Variants in LMAN2L observed in about 807,000 individuals in gnomAD.
LMAN2L encodes the protein lectin, mannose binding 2 like, also known as VIP36-like protein.
A neutral mutation model predicts 44.3 loss-of-function variants in LMAN2L; 30 were observed. That is an observed-to-expected ratio of 0.68 (90% CI 0.51 to 0.92). LMAN2L has a LOEUF of 0.92. Ranked by LOEUF, LMAN2L falls within the 40% of genes least tolerant of loss-of-function variation. LMAN2L has a pLI of 0.00. For synonymous variants in LMAN2L, 183 were observed against 171.1 expected (o/e 1.07, Z -0.54); for missense variants, 429 against 446.1 (o/e 0.96, Z 0.35).
chr2:96,707,734 T>C lies in LMAN2L; in HGVS notation c.884A>G (p.Asp295Gly). 6.2e-7 allele frequency: 1 copy of C among 1,614,128 alleles called. No individual in the cohort carries two copies. Among genetic ancestry groups the C allele is most frequent in the Non-Finnish European group, 8.5e-7 (1 of 1,180,018 alleles). ...LHRDVFLPSV[D>G]NMKLPEMTAP... ...CTCACTCTCAGGCAGCTTCATATTG[T>C]CCACTGAGGGCAAGAACACATCTCG... The change falls in exon 7 of 8, where the codon GAC (aspartate) becomes GGC (glycine). Residue 295 changes from aspartate (D) to glycine (G), a missense_variant. Asp to Gly is a moderately conservative substitution (Grantham distance 94, BLOSUM62 -1). Coordinates refer to ENST00000264963, the MANE Select transcript of LMAN2L (RefSeq NM_030805.4).
intron 4 of LMAN2L, among the ~76,000 whole-genome samples, chr2:96,722,111 G>T (rs893083080): frequency 2.4e-4 from 37 of 152,130 alleles, no homozygotes; most frequent in African/African-American, 8.9e-4. Flanking sequence ...GGGACCATAG[G>T]TGGCCGCCAC....
At chr2:96,727,929 G>A (rs1014556453) in intron 4 of LMAN2L, among the ~76,000 whole-genome samples, 19 of 152,282 alleles carry the variant, frequency 1.2e-4, no homozygotes, top group African/African-American at 3.4e-4. Flanking sequence ...ACACTAACAA[G>A]TTCTGTAACC....
At chr2:96,723,313 A>G (rs1336667692) in intron 4 of LMAN2L, among the ~76,000 whole-genome samples, 2 of 152,164 alleles carry the variant, frequency 1.3e-5, no homozygotes, top group African/African-American at 4.8e-5. Flanking sequence ...GCCTCTTTTC[A>G]AGCTTCTTGG....
chr2:96,738,639 C>G (rs534241722), intron 1 of LMAN2L, among the ~76,000 whole-genome samples: 1 of 152,274 alleles, frequency 6.6e-6, no homozygotes, highest in African/African-American at 2.4e-5. Flanking sequence ...TGTGCCACTG[C>G]ACTCCAGCCT....
intron 4 of LMAN2L, among the ~76,000 whole-genome samples, chr2:96,720,568 T>C (rs2078130097): frequency 6.6e-6 from 1 of 152,040 alleles, no homozygotes; most frequent in Non-Finnish European, 1.5e-5. Flanking sequence ...CTTCCTGCCT[T>C]GGCTTCCCAA....
At position 96,707,317 on chromosome 2, in the gene LMAN2L, A is replaced by G. The variant is rs761428719; in HGVS notation, c.986T>C (p.Ile329Thr). ...FFSLVFSVFA[I>T]VIGIILYNKW... ...GTTGTAGAGTATGATACCAATGACT[A>G]TGGCAAATACAGAAAACACCAGGGA... The change falls in exon 8 of 8, where the codon ATA becomes ACA. Residue 329 changes from isoleucine (I) to threonine (T), a missense_variant. Coordinates refer to ENST00000264963, the MANE Select transcript of LMAN2L (RefSeq NM_030805.4). 1 of 1,614,104 alleles carries G rather than the reference A, an allele frequency of 6.2e-7. No individual in the cohort carries two copies. Among genetic ancestry groups the G allele is most frequent in the East Asian group, 2.2e-5 (1 of 44,886 alleles).
At chr2:96,722,134 A>T (rs1003524072) in intron 4 of LMAN2L, among the ~76,000 whole-genome samples, 37 of 151,622 alleles carry the variant, frequency 2.4e-4, no homozygotes, top group African/African-American at 8.9e-4. Context: ...CGCCCGGCTA[A>T]TTTTTTTGTA....
chr2:96,713,028 C>A, intron 4 of LMAN2L: 5 of 1,275,030 alleles, frequency 3.9e-6, no homozygotes, highest in Non-Finnish European at 5.6e-6. Flanking sequence ...GAGACAACCA[C>A]ATGGACTTGA....
At chr2:96,730,033 C>T (rs890575696) in intron 4 of LMAN2L, among the ~76,000 whole-genome samples, 1 of 152,048 alleles carries the variant, frequency 6.6e-6, no homozygotes, top group African/African-American at 2.4e-5. Flanking sequence ...CAATAGCTAG[C>T]CAGAAAAGAT....
At chr2:96,730,936 G>A (rs1388564269) in intron 4 of LMAN2L, among the ~76,000 whole-genome samples, 1 of 152,094 alleles carries the variant, frequency 6.6e-6, no homozygotes, top group Non-Finnish European at 1.5e-5. Context: ...GCCTCCCAAA[G>A]TGCTGGGATT....
Position 96,740,044 on chromosome 2 carries a change from T to C in LMAN2L, c.-4A>G. 5.0e-6 allele frequency: 8 copies of C among 1,603,178 alleles called. No homozygotes were observed. The highest frequency in any genetic ancestry group is 6.8e-6 in the Non-Finnish European group (8 of 1,174,992). On this transcript the variant is annotated 5_prime_UTR_variant, in exon 1 of 8. Transcript: ENST00000264963. Reference sequence around the variant, plus strand: ...GGGGTCCCAGAGTCGCCGCCATCTTTCCCACCAACGACCCTTCATCAAAAG... The same window carrying C: ...GGGGTCCCAGAGTCGCCGCCATCTTCCCCACCAACGACCCTTCATCAAAAG...
intron 4 of LMAN2L, among the ~76,000 whole-genome samples, chr2:96,726,203 T>C (rs1220944200): frequency 1.3e-5 from 2 of 151,628 alleles, no homozygotes; most frequent in African/African-American, 4.8e-5. Context: ...TTTATAATAT[T>C]TTTGCATACT....
At chr2:96,715,514 G>GT (rs1012891297) in intron 4 of LMAN2L, among the ~76,000 whole-genome samples, 1 of 152,186 alleles carries the variant, frequency 6.6e-6, no homozygotes, top group African/African-American at 2.4e-5. Context: ...AAAGCACTCT[G>GT]TAAGTTAGAA....
intron 4 of LMAN2L, among the ~76,000 whole-genome samples, chr2:96,731,654 T>C (rs2078400397): frequency 1.3e-5 from 2 of 151,058 alleles, no homozygotes; most frequent in Non-Finnish European, 1.5e-5. Flanking sequence ...TCTCAAAAAA[T>C]AAAAAAAATA....
rs199689213 is a variant in LMAN2L, at chr2:96,734,494, C to T, written c.339G>A (p.Val113=). The stretch of plus-strand genomic sequence containing the variant: ...TTCCTTGTCCATGGATTTTGAAGTG[C>T]ACCTGCAACTCCCAGTCTCTCAGGA... The part of the protein sequence containing the change: ...PCFLRDWELQ[V]HFKIHGQGKK... Residue 113 remains valine, a synonymous_variant, in exon 3 of 8, where the codon GTG becomes GTA. Coordinates refer to ENST00000264963, the MANE Select transcript of LMAN2L (RefSeq NM_030805.4). The T allele has an allele frequency of 9.1e-5, 147 of 1,612,956 alleles. No individual in the cohort carries two copies. In the South Asian group the frequency reaches 9.9e-4, roughly 11 times the overall value.
In LMAN2L at chr2:96,706,984, T is replaced by C; in HGVS notation, c.*272A>G. 3.6e-6 allele frequency: 1 copy of C among 275,326 alleles called. No individual in the cohort carries two copies. 17.1% of individuals were successfully genotyped at this position (275,326 alleles called of 1,614,324 possible). On this transcript the variant is annotated 3_prime_UTR_variant, in exon 8 of 8. Coordinates refer to ENST00000264963, the MANE Select transcript of LMAN2L (RefSeq NM_030805.4). ...GGCATCACAACCACGTAAATTCTCT[T>C]CACACCTCTGCTCCCACATGGAAGG...
At chr2:96,717,220 G>GACAC (rs1289601086) in intron 4 of LMAN2L, among the ~76,000 whole-genome samples, 7 of 151,448 alleles carry the variant, frequency 4.6e-5, no homozygotes, top group Admixed American at 1.3e-4. Flanking sequence ...CATACACACA[G>GACAC]ACACACACAC....
At chr2:96,726,037 CAGA>C (rs1245305303) in intron 4 of LMAN2L, among the ~76,000 whole-genome samples, 8 of 151,416 alleles carry the variant, frequency 5.3e-5, no homozygotes, top group African/African-American at 1.9e-4. Flanking sequence ...GAGGCTGAGG[CAGA>C]AGAATCACTT....
Position 96,711,735 on chromosome 2 carries a change from C to T in LMAN2L, c.705G>A (p.Arg235=). The T allele has an allele frequency of 6.2e-7, 1 of 1,614,124 alleles. No homozygotes were observed. Among genetic ancestry groups the T allele is most frequent in the African/African-American group, 1.3e-5 (1 of 75,048 alleles). The change falls in exon 6 of 8, where the codon AGG becomes AGA. Residue 235 remains arginine, a synonymous_variant. Transcript: ENST00000264963. The stretch of plus-strand genomic sequence containing the variant: ...GGACTCCGGGCACTTCAATGCAGTC[C>T]CTCCACTCATGCTTGCCATCAATAT... The part of the protein sequence containing the change: ...MMDIDGKHEW[R]DCIEVPGVRL...
Sources: gnomAD v4.1 joint callset for allele counts (sites outside exome capture counted in the v4.1 genomes callset) on GRCh38, gnomAD v4.1.1 for gene constraint, MANE v1.5 for transcripts, NCBI Gene and HGNC (gene_info 2026-07-23, HGNC 2026-07-21) for gene names.